MXRA7: variants seen among roughly 807,000 people sequenced by gnomAD.
MXRA7 encodes the protein matrix remodeling associated 7.
A neutral mutation model predicts 17.4 loss-of-function variants in MXRA7; 18 were observed. That is an observed-to-expected ratio of 1.03 (90% CI 0.71 to 1.53). The LOEUF (loss-of-function observed/expected upper bound fraction) is 1.53. Among genes scored for constraint, MXRA7 ranks in the 40% most tolerant of loss-of-function variants. The pLI is 0.00. For synonymous variants in MXRA7, 70 were observed against 101.7 expected (o/e 0.69, Z 1.87); for missense variants, 141 against 209.3 (o/e 0.67, Z 2.01).
intron 1 of MXRA7, among the ~76,000 whole-genome samples, chr17:76,706,096 C>T (rs1375694684): frequency 6.9e-6 from 1 of 145,574 alleles, no homozygotes; most frequent in East Asian, 2.1e-4. Flanking sequence ...ATCACAAAGG[C>T]CCACGCTGCC....
intron 1 of MXRA7, among the ~76,000 whole-genome samples, chr17:76,691,108 C>G (rs1015535635): frequency 1.3e-5 from 2 of 152,220 alleles, no homozygotes; most frequent in African/African-American, 4.8e-5. Context: ...CACCACCCCC[C>G]AGCTTCCTCC....
chr17:76,708,599 T>G (rs914749873), intron 1 of MXRA7, among the ~76,000 whole-genome samples: 3 of 152,112 alleles, frequency 2.0e-5, no homozygotes, highest in African/African-American at 7.2e-5. Flanking sequence ...TTTTCCTTTC[T>G]TTTTTTTCTT....
At chr17:76,687,306 C>G (rs1205712828) in intron 2 of MXRA7, among the ~76,000 whole-genome samples, 1 of 152,234 alleles carries the variant, frequency 6.6e-6, no homozygotes, top group East Asian at 1.9e-4. Flanking sequence ...CCAGCCTGCC[C>G]GCAGGAGCTG....
chr17:76,693,180 A>G (rs2076494699), intron 1 of MXRA7, among the ~76,000 whole-genome samples: 1 of 152,222 alleles, frequency 6.6e-6, no homozygotes, highest in Admixed American at 6.5e-5. Flanking sequence ...GAATGAAATA[A>G]AAGACAAGGC....
intron 2 of MXRA7, among the ~76,000 whole-genome samples, chr17:76,685,466 C>T (rs80021939): frequency 0.013 from 2,045 of 152,340 alleles, 49 homozygotes; most frequent in African/African-American, 0.043. Flanking sequence ...CAGGTCCTCT[C>T]GGCTACTGAG....
intron 1 of MXRA7, among the ~76,000 whole-genome samples, chr17:76,697,465 A>AT (rs1279717666): frequency 1.3e-5 from 2 of 152,200 alleles, no homozygotes; most frequent in Non-Finnish European, 2.9e-5. Context: ...AAGTCAATCA[A>AT]TTTCATGGAA....
chr17:76,702,402 G>A (rs2076600450), intron 1 of MXRA7, among the ~76,000 whole-genome samples: 1 of 152,212 alleles, frequency 6.6e-6, no homozygotes, highest in Admixed American at 6.5e-5. Flanking sequence ...CAGCTACTTA[G>A]GAGGCCGAGG....
intron 3 of MXRA7, among the ~76,000 whole-genome samples, chr17:76,682,133 C>T (rs1307037883): frequency 1.3e-5 from 2 of 152,218 alleles, no homozygotes; most frequent in Admixed American, 6.5e-5. Context: ...TGTCGGGGAA[C>T]TAATTGGGGG....
At chr17:76,673,592 CT>C in exon 4 of MXRA7, 1 of 152,132 alleles carries the variant, frequency 6.6e-6, no homozygotes, top group Non-Finnish European at 1.5e-5. Context: ...TCAACTTGGG[CT>C]TTCTATCAGG....
rs576810034 is a variant in MXRA7, at chr17:76,700,684, G to A, written c.342+9921C>T. On this transcript the variant is annotated intron_variant, in intron 1 of 3. Transcript: ENST00000449428. ...CCTGTTGCAGGAGCTGGGATGTGGC[G>A]GGCAAGGGCCCTGCTCTCCGGAACA... 1.8e-4 allele frequency among the ~76,000 whole-genome samples: 28 copies of A among 152,340 alleles called. No individual in the cohort carries two copies. In the East Asian group the frequency reaches 1.9e-3, roughly 10 times the overall value.
chr17:76,682,538 G>C (rs973871152), intron 3 of MXRA7, among the ~76,000 whole-genome samples: 1 of 152,102 alleles, frequency 6.6e-6, no homozygotes, highest in Non-Finnish European at 1.5e-5. Context: ...GAGAACCATC[G>C]TGCTGAAGAT....
downstream of MXRA7, chr17:76,679,510 C>A: frequency 1.3e-6 from 1 of 784,602 alleles, no homozygotes; most frequent in South Asian, 5.8e-5. Flanking sequence ...GGTCAAACTT[C>A]AATGGGTTCA....
intron 1 of MXRA7, among the ~76,000 whole-genome samples, chr17:76,704,646 A>G (rs2076635288): frequency 6.6e-6 from 1 of 151,528 alleles, no homozygotes; most frequent in African/African-American, 2.4e-5. Flanking sequence ...TTAGCCAAGC[A>G]TAGTGGTGCA....
At chr17:76,705,652 G>A (rs2076647092) in intron 1 of MXRA7, among the ~76,000 whole-genome samples, 1 of 152,124 alleles carries the variant, frequency 6.6e-6, no homozygotes, top group Admixed American at 6.5e-5. Flanking sequence ...AATGCTATGA[G>A]GGCCCTGATA....
intron 1 of MXRA7, among the ~76,000 whole-genome samples, chr17:76,709,345 G>T (rs1598365921): frequency 6.6e-6 from 1 of 152,150 alleles, no homozygotes; most frequent in Non-Finnish European, 1.5e-5. Context: ...CCATCACCGC[G>T]TGAGGTCTGG....
chr17:76,705,523 A>G (rs976197779), intron 1 of MXRA7, among the ~76,000 whole-genome samples: 1 of 152,164 alleles, frequency 6.6e-6, no homozygotes, highest in Admixed American at 6.5e-5. Flanking sequence ...TCTGGACTAA[A>G]TATTTGTGTC....
chr17:76,700,356 T>C (rs907688715), intron 1 of MXRA7, among the ~76,000 whole-genome samples: 1 of 152,136 alleles, frequency 6.6e-6, no homozygotes, highest in Non-Finnish European at 1.5e-5. Context: ...GATGGAAACT[T>C]GGATGAACTG....
At chr17:76,685,214 C>T (rs1193148955) in intron 2 of MXRA7, 49 bp from the exon 3 acceptor site, 1 of 1,381,070 alleles carries the variant, frequency 7.2e-7, no homozygotes. Flanking sequence ...AGAGGCTGGC[C>T]CCACAAACCC....
intron 1 of MXRA7, among the ~76,000 whole-genome samples, chr17:76,702,412 G>A (rs1461925028): frequency 6.6e-6 from 1 of 152,198 alleles, no homozygotes; most frequent in Non-Finnish European, 1.5e-5. Context: ...GGAGGCCGAG[G>A]CATGAGGATC....
Sources: gnomAD v4.1 joint callset for allele counts (sites outside exome capture counted in the v4.1 genomes callset) on GRCh38, gnomAD v4.1.1 for gene constraint, MANE v1.5 for transcripts, NCBI Gene and HGNC (gene_info 2026-07-23, HGNC 2026-07-21) for gene names.